CNTN5: variants seen among roughly 807,000 people sequenced by gnomAD.
The protein encoded by CNTN5 is contactin 5, also known as contactin-5.
A neutral mutation model predicts 129.1 loss-of-function variants in CNTN5; 77 were observed. The ratio of observed to expected loss-of-function variants is 0.60; its 90% CI spans 0.50 to 0.72. The LOEUF is 0.72. CNTN5 is among the 30% of genes least tolerant of loss of function. The pLI is 0.00. For synonymous variants in CNTN5, 509 were observed against 465.6 expected (o/e 1.09, Z -1.20); for missense variants, 1,478 against 1,328.8 (o/e 1.11, Z -1.75).
At chr11:100,063,333 C>T (rs1442735651) in intron 10 of CNTN5, among the ~76,000 whole-genome samples, 1 of 151,184 alleles carries the variant, frequency 6.6e-6, no homozygotes, top group East Asian at 1.9e-4. Flanking sequence ...CACTGTAGGC[C>T]ATCTGGGTAA....
intron 7 of CNTN5, among the ~76,000 whole-genome samples, chr11:99,949,656 T>C (rs1950629205): frequency 6.6e-6 from 1 of 152,198 alleles, no homozygotes; most frequent in Non-Finnish European, 1.5e-5. Flanking sequence ...GCAAGAAATT[T>C]AGGCCGCCTT....
intron 3 of CNTN5, among the ~76,000 whole-genome samples, chr11:99,784,719 A>G (rs1244296187): frequency 1.3e-5 from 2 of 150,854 alleles, no homozygotes; most frequent in Non-Finnish European, 2.9e-5. Flanking sequence ...ATTTCTCCAC[A>G]TCCTCTCCAG....
intron 16 of CNTN5, among the ~76,000 whole-genome samples, chr11:100,239,513 A>G (rs1448259043): frequency 6.6e-6 from 1 of 152,176 alleles, no homozygotes; most frequent in East Asian, 1.9e-4. Context: ...GTAAATATGC[A>G]TTCTGTTAAT....
intron 8 of CNTN5, among the ~76,000 whole-genome samples, chr11:99,961,546 G>C (rs897409663): frequency 1.3e-5 from 2 of 152,138 alleles, no homozygotes; most frequent in Non-Finnish European, 2.9e-5. Context: ...GGAAGCTTGA[G>C]GACATTCTGA....
chr11:99,743,029 T>A (rs1056759497), intron 3 of CNTN5, among the ~76,000 whole-genome samples: 2 of 152,144 alleles, frequency 1.3e-5, no homozygotes, highest in Admixed American at 1.3e-4. Flanking sequence ...ATAGTTAAAA[T>A]TGGACAGCTA....
chr11:99,396,179 G>C (rs1941512956), intron 2 of CNTN5, among the ~76,000 whole-genome samples: 1 of 3,242 alleles, frequency 3.1e-4, no homozygotes, highest in Non-Finnish European at 6.7e-4. Flanking sequence ...CATGATCATG[G>C]AATGTTTTTT....
chr11:99,831,343 G>A (rs1266035824), intron 4 of CNTN5, among the ~76,000 whole-genome samples: 3 of 152,156 alleles, frequency 2.0e-5, no homozygotes, highest in African/African-American at 4.8e-5. Flanking sequence ...AGTGGTAGTT[G>A]GTTGGCAAAA....
chr11:99,964,058 G>T (rs925522507), intron 8 of CNTN5, among the ~76,000 whole-genome samples: 2 of 152,050 alleles, frequency 1.3e-5, no homozygotes, highest in Admixed American at 6.6e-5. Context: ...GAGATTTTGG[G>T]GTGAGACAAT....
chr11:99,717,967 T>C (rs1447958218), intron 3 of CNTN5, among the ~76,000 whole-genome samples: 2 of 152,124 alleles, frequency 1.3e-5, no homozygotes, highest in Non-Finnish European at 2.9e-5. Context: ...TACCACTTCG[T>C]CCTGCAGGCG....
intron 3 of CNTN5, among the ~76,000 whole-genome samples, chr11:99,776,004 T>C (rs1040322742): frequency 2.0e-5 from 3 of 152,070 alleles, no homozygotes; most frequent in Admixed American, 2.0e-4. Flanking sequence ...TATCTTTTCA[T>C]AGAATTTATA....
rs562640065 is a variant in CNTN5, at chr11:99,996,351, C to T, written c.878-5683C>T. Among the ~76,000 whole-genome samples, 23 of 152,286 alleles carry T rather than the reference C, an allele frequency of 1.5e-4. 1 individual carries two copies. The South Asian group carries it at 4.8e-3, about 32-fold the overall frequency. ...CATAATGCAGCTTCCCTATTCAAAA[C>T]CACTGTAGCTCCAAAACAGATTAAA... On this transcript the variant is annotated intron_variant, in intron 8 of 24. Coordinates refer to ENST00000524871, the MANE Select transcript of CNTN5 (RefSeq NM_014361.4).
At chr11:99,472,712 A>C (rs990592855) in intron 2 of CNTN5, among the ~76,000 whole-genome samples, 1 of 151,942 alleles carries the variant, frequency 6.6e-6, no homozygotes, top group Non-Finnish European at 1.5e-5. Flanking sequence ...TCGGTTGCCC[A>C]GGCTGAAGTG....
intron 3 of CNTN5, among the ~76,000 whole-genome samples, chr11:99,786,928 C>A (rs191433815): frequency 6.6e-6 from 1 of 152,044 alleles, no homozygotes; most frequent in African/African-American, 2.4e-5. Context: ...TTAAGAGAAT[C>A]GATACGCTAT....
chr11:99,100,294 T>C (rs1407437500), intron 1 of CNTN5, among the ~76,000 whole-genome samples: 3 of 152,210 alleles, frequency 2.0e-5, no homozygotes, highest in African/African-American at 7.2e-5. Context: ...TAAGAAATAA[T>C]ATAAAGCAAA....
At chr11:99,445,187 G>A (rs1944012503) in intron 2 of CNTN5, among the ~76,000 whole-genome samples, 1 of 150,460 alleles carries the variant, frequency 6.6e-6, no homozygotes, top group African/African-American at 2.4e-5. Context: ...GGTGTGGTGT[G>A]TGTATGTGTG....
chr11:100,352,235 A>C (rs1199827929), intron 24 of CNTN5, among the ~76,000 whole-genome samples: 1 of 151,620 alleles, frequency 6.6e-6, no homozygotes, highest in East Asian at 1.9e-4. Flanking sequence ...TGTTCTCATA[A>C]TTTAGCTGCC....
At chr11:99,709,245 G>T (rs1591512268) in intron 3 of CNTN5, among the ~76,000 whole-genome samples, 1 of 151,798 alleles carries the variant, frequency 6.6e-6, no homozygotes, top group South Asian at 2.1e-4. Flanking sequence ...TTGTTTAAAT[G>T]AACGTAAGAT....
intron 2 of CNTN5, among the ~76,000 whole-genome samples, chr11:99,410,284 T>A (rs1050090987): frequency 6.6e-6 from 1 of 152,212 alleles, no homozygotes; most frequent in African/African-American, 2.4e-5. Flanking sequence ...TCTCAATTTA[T>A]AAAATTATAA....
intron 13 of CNTN5, among the ~76,000 whole-genome samples, chr11:100,150,007 TCTACCAATATA>T (rs1947002553): frequency 6.6e-6 from 1 of 152,132 alleles, no homozygotes; most frequent in South Asian, 2.1e-4. Flanking sequence ...ACTGTGATAT[TCTACCAATATA>T]AACAGGAGAA....
Sources: allele counts gnomAD v4.1 joint callset (sites outside exome capture counted in the v4.1 genomes callset), GRCh38; gene constraint gnomAD v4.1.1; transcripts MANE v1.5; gene names NCBI Gene and HGNC (gene_info 2026-07-23, HGNC 2026-07-21).